Variants in EFCAB5 observed in about 807,000 individuals in gnomAD.
The protein encoded by EFCAB5 is EF-hand calcium-binding domain-containing protein 5.
In EFCAB5, 131 loss-of-function variants were observed where a neutral mutation model predicts 167.9. The ratio of observed to expected loss-of-function variants is 0.78; its 90% CI spans 0.68 to 0.90. The LOEUF is 0.90. Among genes scored for constraint, EFCAB5 ranks in the 40% least tolerant of loss-of-function variants. The pLI, the probability that EFCAB5 is intolerant of heterozygous loss-of-function variation, is 0.00. For synonymous variants in EFCAB5, 574 were observed against 602.8 expected (o/e 0.95, Z 0.70); for missense variants, 1,663 against 1,745.2 (o/e 0.95, Z 0.84).
chr17:30,041,800 C>A (rs970501025), intron 8 of EFCAB5, among the ~76,000 whole-genome samples: 23 of 152,200 alleles, frequency 1.5e-4, no homozygotes, highest in African/African-American at 5.3e-4. Context: ...CAACCCTAAT[C>A]AGTCAGTAGC....
At chr17:30,016,937 GA>G (rs1262126077) in intron 7 of EFCAB5, among the ~76,000 whole-genome samples, 1 of 152,052 alleles carries the variant, frequency 6.6e-6, no homozygotes, top group Admixed American at 6.6e-5. Context: ...AGCACTTTGG[GA>G]GGCTTAGGTG....
intron 14 of EFCAB5, among the ~76,000 whole-genome samples, chr17:30,066,919 A>G (rs910549854): frequency 6.6e-6 from 1 of 152,220 alleles, no homozygotes; most frequent in African/African-American, 2.4e-5. Context: ...GCAGAAATGG[A>G]TAAATTCCTG....
intron 3 of EFCAB5, among the ~76,000 whole-genome samples, chr17:29,964,133 T>G (rs1031366412): frequency 1.3e-5 from 2 of 152,136 alleles, no homozygotes; most frequent in Admixed American, 6.5e-5. Flanking sequence ...CCTTTTTTTT[T>G]CAGGTATTTC....
intron 3 of EFCAB5, among the ~76,000 whole-genome samples, chr17:29,964,421 A>G (rs188135419): frequency 3.0e-4 from 45 of 151,872 alleles, no homozygotes; most frequent in African/African-American, 8.2e-4. Context: ...CAGCCTCCCA[A>G]GTAGCTGGGT....
chr17:29,966,737 A>C (rs990010110), intron 3 of EFCAB5, among the ~76,000 whole-genome samples: 4 of 152,184 alleles, frequency 2.6e-5, no homozygotes, highest in African/African-American at 9.6e-5. Context: ...GTCCGCACTT[A>C]AAGAGAGGGG....
intron 7 of EFCAB5, among the ~76,000 whole-genome samples, chr17:30,008,772 T>C (rs961063412): frequency 1.3e-5 from 2 of 152,174 alleles, no homozygotes; most frequent in African/African-American, 2.4e-5. Context: ...TATTCAGATA[T>C]AATTTACAAA....
chr17:30,078,792 A>C (rs928887923), intron 15 of EFCAB5, among the ~76,000 whole-genome samples: 2 of 152,280 alleles, frequency 1.3e-5, no homozygotes, highest in Non-Finnish European at 2.9e-5. Flanking sequence ...AAATAAGCCT[A>C]GAATGGACAA....
chr17:29,936,557 A>G (rs118052625), intron 1 of EFCAB5, among the ~76,000 whole-genome samples: 1 of 152,346 alleles, frequency 6.6e-6, no homozygotes, highest in Non-Finnish European at 1.5e-5. Context: ...TTAGCACAGT[A>G]TAACAAAGCC....
intron 6 of EFCAB5, among the ~76,000 whole-genome samples, chr17:29,996,966 C>T (rs2068557272): frequency 6.6e-6 from 1 of 152,166 alleles, no homozygotes; most frequent in African/African-American, 2.4e-5. Flanking sequence ...TCTTCAGAGG[C>T]CGGGCACAGT....
At chr17:30,035,765 G>A (rs2069598671) in intron 8 of EFCAB5, among the ~76,000 whole-genome samples, 1 of 152,100 alleles carries the variant, frequency 6.6e-6, no homozygotes, top group Non-Finnish European at 1.5e-5. Context: ...TATAGGGAGA[G>A]TTACTTTCAC....
chr17:30,066,423 A>G (rs1009267754), intron 14 of EFCAB5, among the ~76,000 whole-genome samples: 5 of 152,076 alleles, frequency 3.3e-5, no homozygotes, highest in Admixed American at 6.6e-5. Context: ...TATTTTTTAA[A>G]TTTTCTTCTA....
At chr17:29,977,912 G>A (rs1274597714) in intron 4 of EFCAB5, among the ~76,000 whole-genome samples, 5 of 152,066 alleles carry the variant, frequency 3.3e-5, no homozygotes, top group African/African-American at 1.2e-4. Context: ...TCTATTGTGT[G>A]TGTTTCTATT....
At chr17:29,973,071 A>G (rs1212137278) in intron 4 of EFCAB5, 1 of 152,454 alleles carries the variant, frequency 6.6e-6, no homozygotes, top group Non-Finnish European at 1.5e-5. Flanking sequence ...CTTCCCAGCC[A>G]GAGGGCTCAG....
chr17:30,069,620 T>C lies in EFCAB5; in HGVS notation c.2738-8595T>C, dbSNP rs770493815. ...CTCCTTCTCCTTGCTCTTCCTCGACTGGTACCACAGCTAGCCTGGGCCACG... is the reference window on the plus strand; with the variant it reads ...CTCCTTCTCCTTGCTCTTCCTCGACCGGTACCACAGCTAGCCTGGGCCACG... On this transcript the variant is annotated intron_variant, in intron 14 of 22. Transcript: ENST00000394835. 6.2e-5 allele frequency: 100 copies of C among 1,612,446 alleles called. No homozygotes were observed. The Middle Eastern group carries it at 6.6e-4, about 11-fold the overall frequency.
At chr17:30,031,321 A>G (rs141968500) in intron 7 of EFCAB5, among the ~76,000 whole-genome samples, 1 of 152,286 alleles carries the variant, frequency 6.6e-6, no homozygotes, top group African/African-American at 2.4e-5. Context: ...TGGGGCCTAA[A>G]AATTTGCAGT....
chr17:29,971,378 C>T (rs1215255460), intron 4 of EFCAB5, among the ~76,000 whole-genome samples: 1 of 152,116 alleles, frequency 6.6e-6, no homozygotes, highest in African/African-American at 2.4e-5. Flanking sequence ...TAATATCCTA[C>T]TACCTCCAAT....
At chr17:29,932,174 G>A (rs987766469) in intron 1 of EFCAB5, among the ~76,000 whole-genome samples, 1 of 141,572 alleles carries the variant, frequency 7.1e-6, no homozygotes, top group African/African-American at 2.7e-5. Flanking sequence ...TTTTTGAGAC[G>A]GAGTCTCCCT....
intron 14 of EFCAB5, among the ~76,000 whole-genome samples, chr17:30,070,434 T>C (rs1321957547): frequency 6.6e-6 from 1 of 152,124 alleles, no homozygotes. Context: ...TATCAGACTT[T>C]AAAATATACT....
chr17:30,080,060 G>T lies in EFCAB5; in HGVS notation c.3028-12G>T. The T allele has an allele frequency of 6.3e-7, 1 of 1,597,266 alleles. No individual in the cohort carries two copies. The highest frequency in any genetic ancestry group is 8.5e-7 in the Non-Finnish European group (1 of 1,172,910). On this transcript the variant is annotated splice_polypyrimidine_tract_variant and intron_variant, in intron 15 of 22. Transcript: ENST00000394835. ...TGTTGGCAAACACATGGTCGGAAAC[G>T]TTTTGCTGTAGGATGCTGAAGCCCA...
Sources: allele counts gnomAD v4.1 joint callset (sites outside exome capture counted in the v4.1 genomes callset), GRCh38; gene constraint gnomAD v4.1.1; transcripts MANE v1.5; gene names NCBI Gene and HGNC (gene_info 2026-07-23, HGNC 2026-07-21).